SGPP2: variants seen among roughly 807,000 people sequenced by gnomAD.
SGPP2 encodes the protein sphingosine 1-phosphate phosphohydrolase 2.
A neutral mutation model predicts 33.9 loss-of-function variants in SGPP2; 30 were observed. That is an observed-to-expected ratio of 0.89 (90% CI 0.66 to 1.20). The LOEUF is 1.20. SGPP2 is among the 50% of genes most tolerant of loss of function. SGPP2 has a pLI of 0.00. For synonymous variants in SGPP2, 233 were observed against 225.0 expected (o/e 1.04, Z -0.32); for missense variants, 458 against 532.1 (o/e 0.86, Z 1.37).
At chr2:222,488,805 A>G (rs891014690) in intron 2 of SGPP2, among the ~76,000 whole-genome samples, 2 of 152,208 alleles carry the variant, frequency 1.3e-5, no homozygotes, top group African/African-American at 4.8e-5. Context: ...CATTGTTTGC[A>G]TAGCATATAC....
chr2:222,481,552 G>A (rs1209540191), intron 2 of SGPP2, among the ~76,000 whole-genome samples: 2 of 152,166 alleles, frequency 1.3e-5, no homozygotes, highest in African/African-American at 2.4e-5. Flanking sequence ...AGTGACCTAG[G>A]AAAATCCTTT....
chr2:222,548,742 C>T (rs1418007035), intron 4 of SGPP2, among the ~76,000 whole-genome samples: 2 of 152,156 alleles, frequency 1.3e-5, no homozygotes, highest in African/African-American at 4.8e-5. Flanking sequence ...ACTCTTCTCC[C>T]CTATACATAT....
intron 1 of SGPP2, among the ~76,000 whole-genome samples, chr2:222,440,209 A>G (rs1481068281): frequency 6.6e-6 from 1 of 152,172 alleles, no homozygotes; most frequent in East Asian, 1.9e-4. Context: ...TTGGCTGTCA[A>G]CCTTCTGCTC....
chr2:222,508,954 A>G (rs1421692838), intron 2 of SGPP2, among the ~76,000 whole-genome samples: 1 of 152,218 alleles, frequency 6.6e-6, no homozygotes, highest in Admixed American at 6.5e-5. Context: ...CTGAATTTAA[A>G]AAATAAAAAT....
At position 222,550,557 on chromosome 2, in the gene SGPP2, T is replaced by C. The variant is rs1689275414; in HGVS notation, c.649-7790T>C. On this transcript the variant is annotated intron_variant, in intron 4 of 4. Transcript: ENST00000321276. This position sits in a 1 kb window ranked among gnomAD's most constrained non-coding sequence, Gnocchi z 4.5. ...AGGATCATACTTTCTGTAAAGCTTG[T>C]ATTCTGTTTAAAACATCTCACTTAT... Among the ~76,000 whole-genome samples the C allele has an allele frequency of 6.6e-6, 1 of 152,252 alleles. No individual in the cohort carries two copies. The highest frequency in any genetic ancestry group is 2.1e-4 in the South Asian group (1 of 4,834).
chr2:222,478,267 T>TTGTGTGTGTGTGTGTGTGTG (rs113118208), intron 2 of SGPP2, among the ~76,000 whole-genome samples: 17 of 141,488 alleles, frequency 1.2e-4, no homozygotes, highest in African/African-American at 4.3e-4. Context: ...GTGCATGCAT[T>TTGTGTGTGTGTGTGTGTGTG]TGTGTGTGTG....
At chr2:222,512,234 A>C (rs1368035294) in intron 2 of SGPP2, among the ~76,000 whole-genome samples, 3 of 151,856 alleles carry the variant, frequency 2.0e-5, no homozygotes, top group Admixed American at 2.0e-4. Flanking sequence ...GATGGTCTCA[A>C]TCTCCTGACC....
At chr2:222,461,916 G>T (rs1697666425) in intron 1 of SGPP2, among the ~76,000 whole-genome samples, 1 of 152,114 alleles carries the variant, frequency 6.6e-6, no homozygotes, top group Non-Finnish European at 1.5e-5. Context: ...TCTCCAGCTT[G>T]TGTACAAACC....
chr2:222,480,754 C>T (rs1574853328), intron 2 of SGPP2, among the ~76,000 whole-genome samples: 6 of 152,182 alleles, frequency 3.9e-5, no homozygotes, highest in Admixed American at 3.3e-4. Flanking sequence ...CCTGAACTTT[C>T]GGTGTTCTCA....
intron 1 of SGPP2, chr2:222,453,103 G>T: frequency 1.2e-6 from 1 of 826,000 alleles, no homozygotes; most frequent in Non-Finnish European, 2.0e-6. Context: ...ACTGGTAGGA[G>T]AATCAGGACT....
chr2:222,426,037 T>C (rs1697064348), intron 1 of SGPP2, among the ~76,000 whole-genome samples: 2 of 151,188 alleles, frequency 1.3e-5, no homozygotes, highest in Admixed American at 1.3e-4. Context: ...TTGCCTTGTC[T>C]TAAAAACGGG....
At chr2:222,441,619 G>T (rs1697326352) in intron 1 of SGPP2, among the ~76,000 whole-genome samples, 1 of 152,070 alleles carries the variant, frequency 6.6e-6, no homozygotes, top group African/African-American at 2.4e-5. Context: ...GGCACAGAGG[G>T]TTTAAATGTC....
intron 1 of SGPP2, chr2:222,452,957 T>C: frequency 6.3e-7 from 1 of 1,574,882 alleles, no homozygotes; most frequent in Non-Finnish European, 8.7e-7. Flanking sequence ...GGTATTTCTG[T>C]CTCTGAAATC....
At chr2:222,445,698 T>A (rs911787695) in intron 1 of SGPP2, among the ~76,000 whole-genome samples, 4 of 152,078 alleles carry the variant, frequency 2.6e-5, no homozygotes, top group Non-Finnish European at 5.9e-5. Context: ...GATGGGAGGA[T>A]GTGTGGAAAA....
At chr2:222,475,305 A>T (rs1015149071) in intron 2 of SGPP2, among the ~76,000 whole-genome samples, 1 of 152,154 alleles carries the variant, frequency 6.6e-6, no homozygotes, top group Non-Finnish European at 1.5e-5. Flanking sequence ...CTATGAACAC[A>T]ACTTGTTTTA....
chr2:222,557,888 C>G (rs984028543), intron 4 of SGPP2, among the ~76,000 whole-genome samples: 2 of 152,188 alleles, frequency 1.3e-5, no homozygotes, highest in East Asian at 3.8e-4. Context: ...CTCTACATAA[C>G]ACTGATGTGC....
At chr2:222,514,138 T>G (rs1439352782) in intron 2 of SGPP2, among the ~76,000 whole-genome samples, 2 of 152,230 alleles carry the variant, frequency 1.3e-5, no homozygotes, top group Non-Finnish European at 2.9e-5. Flanking sequence ...ACTTTTAAAA[T>G]AAGTATATGT....
chr2:222,554,204 A>T (rs1689348509), intron 4 of SGPP2, among the ~76,000 whole-genome samples: 1 of 152,260 alleles, frequency 6.6e-6, no homozygotes, highest in Non-Finnish European at 1.5e-5. Context: ...ACCTCTGTGT[A>T]TTCAAGTTAA....
chr2:222,519,676 C>T (rs1340892778), intron 2 of SGPP2, among the ~76,000 whole-genome samples: 3 of 152,176 alleles, frequency 2.0e-5, no homozygotes, highest in Admixed American at 1.3e-4. Context: ...ACTCCCTCCC[C>T]GTCTAGTGGT....
Sources: allele counts gnomAD v4.1 joint callset (sites outside exome capture counted in the v4.1 genomes callset), GRCh38; gene constraint gnomAD v4.1.1; non-coding constraint Gnocchi (gnomAD v3.1); transcripts MANE v1.5; gene names NCBI Gene and HGNC (gene_info 2026-07-23, HGNC 2026-07-21).